Variants in GPC6 observed in about 807,000 individuals in gnomAD.
GPC6 encodes glypican-6.
GPC6 carries 14 observed loss-of-function variants against 55.2 expected under a neutral mutation model. The observed-to-expected ratio is 0.25, with a 90% CI of 0.17 to 0.40. The LOEUF is 0.40. GPC6 is among the 10% of genes least tolerant of loss of function. The pLI is 1.00. For missense variants in GPC6, 641 were observed against 708.5 expected (o/e 0.90, Z 1.08); for synonymous variants, 278 against 259.6 (o/e 1.07, Z -0.68).
chr13:93,380,232 GA>G (rs1248261084), intron 1 of GPC6, among the ~76,000 whole-genome samples: 1 of 152,046 alleles, frequency 6.6e-6, no homozygotes, highest in African/African-American at 2.4e-5. Context: ...TAAGAAATAG[GA>G]AAATCCATTG....
chr13:93,497,941 G>A (rs1226432505), intron 1 of GPC6, among the ~76,000 whole-genome samples: 3 of 152,176 alleles, frequency 2.0e-5, no homozygotes, highest in South Asian at 4.1e-4. Context: ...TAAACCTATT[G>A]TCTCAGATGT....
At chr13:93,907,837 T>G (rs1876754281) in intron 3 of GPC6, among the ~76,000 whole-genome samples, 1 of 152,142 alleles carries the variant, frequency 6.6e-6, no homozygotes, top group South Asian at 2.1e-4. Context: ...TTAGTAATTG[T>G]CACTACCTAT....
chr13:94,017,528 A>G (rs895076505), intron 3 of GPC6, among the ~76,000 whole-genome samples: 20 of 152,154 alleles, frequency 1.3e-4, no homozygotes, highest in Admixed American at 9.2e-4. Flanking sequence ...GGGGAAAACC[A>G]TCCCCATGAT....
intron 4 of GPC6, among the ~76,000 whole-genome samples, chr13:94,154,003 T>C (rs1307565919): frequency 6.6e-6 from 1 of 152,160 alleles, no homozygotes; most frequent in Non-Finnish European, 1.5e-5. Flanking sequence ...ATTATTCTAA[T>C]GTATAATAAC....
chr13:93,859,094 T>G (rs1888724012), intron 3 of GPC6, among the ~76,000 whole-genome samples: 1 of 151,558 alleles, frequency 6.6e-6, no homozygotes. Context: ...TATCTTCAAT[T>G]TAATAGAAGC....
intron 4 of GPC6, among the ~76,000 whole-genome samples, chr13:94,061,802 A>AC (rs1884338961): frequency 1.3e-5 from 2 of 151,940 alleles, no homozygotes; most frequent in African/African-American, 2.4e-5. Context: ...GGGAAAAAAA[A>AC]AAAACAAAAA....
intron 1 of GPC6, among the ~76,000 whole-genome samples, chr13:93,523,164 C>T (rs966896558): frequency 3.0e-5 from 3 of 101,520 alleles, no homozygotes; most frequent in South Asian, 3.1e-4. Flanking sequence ...CATATATGTA[C>T]ATATATACAC....
At chr13:93,744,936 CA>C (rs71126414) in intron 2 of GPC6, among the ~76,000 whole-genome samples, 56 of 144,140 alleles carry the variant, frequency 3.9e-4, no homozygotes, top group South Asian at 4.5e-4. Context: ...GACTCTGTCT[CA>C]AAAAAAAAAA....
intron 6 of GPC6, among the ~76,000 whole-genome samples, chr13:94,307,142 A>G (rs1875987315): frequency 6.6e-6 from 1 of 152,218 alleles, no homozygotes; most frequent in Non-Finnish European, 1.5e-5. Context: ...ATTTCTGTCT[A>G]TAAAAATCAA....
intron 1 of GPC6, among the ~76,000 whole-genome samples, chr13:93,393,121 T>TAGAG (rs1166243094): frequency 8.0e-4 from 64 of 79,908 alleles, no homozygotes; most frequent in African/African-American, 2.3e-3. Flanking sequence ...TATATATATA[T>TAGAG]ATATATAGAG....
intron 4 of GPC6, among the ~76,000 whole-genome samples, chr13:94,144,536 A>AGT (rs758759927): frequency 0.17 from 13,525 of 79,800 alleles, 828 homozygotes; most frequent in Non-Finnish European, 0.2. Context: ...ATTCTTTGGG[A>AGT]GTGTGTGTGT....
chr13:93,773,388 T>C (rs1344818064), intron 2 of GPC6, among the ~76,000 whole-genome samples: 5 of 152,150 alleles, frequency 3.3e-5, no homozygotes, highest in Admixed American at 3.3e-4. Context: ...AGACATATCC[T>C]ATTCTGGGCT....
intron 4 of GPC6, among the ~76,000 whole-genome samples, chr13:94,265,499 CG>C (rs1157304264): frequency 1.3e-5 from 2 of 152,136 alleles, no homozygotes; most frequent in African/African-American, 2.4e-5. Context: ...AAGGGTGGAT[CG>C]GCCTTTCCCA....
At chr13:93,799,804 A>G (rs1886310939) in intron 2 of GPC6, among the ~76,000 whole-genome samples, 1 of 152,238 alleles carries the variant, frequency 6.6e-6, no homozygotes, top group Admixed American at 6.5e-5. Context: ...CTTCACAGCC[A>G]TAACTGCACT....
rs567024328 is a variant in GPC6, at chr13:93,579,850, G to A, written c.319+34429G>A. On this transcript the variant is annotated intron_variant, in intron 2 of 8. Transcript: ENST00000377047. ...GAAGTAAATGATGGAGCCCCTCACT[G>A]TGTGTGGCTCCCTCCTTACATGCTT... 3.7e-3 allele frequency among the ~76,000 whole-genome samples: 569 copies of A among 152,240 alleles called. 4 individuals carry two copies. Among genetic ancestry groups the A allele is most frequent in the African/African-American group, 0.013 (537 of 41,546 alleles).
chr13:94,374,771 C>T (rs1879758417), intron 6 of GPC6, among the ~76,000 whole-genome samples: 1 of 132,920 alleles, frequency 7.5e-6, no homozygotes, highest in African/African-American at 3.1e-5. Flanking sequence ...TTTTTCAGCA[C>T]CACACCACAC....
chr13:93,926,769 A>G (rs959790786), intron 3 of GPC6, among the ~76,000 whole-genome samples: 1 of 143,528 alleles, frequency 7.0e-6, no homozygotes, highest in Admixed American at 7.2e-5. Flanking sequence ...TCCTCCTCAT[A>G]AGAAAGTCAA....
intron 1 of GPC6, among the ~76,000 whole-genome samples, chr13:93,410,702 G>A (rs1876465733): frequency 1.3e-5 from 2 of 152,136 alleles, no homozygotes; most frequent in South Asian, 4.1e-4. Context: ...GAAAGAAGAA[G>A]AAAAATCTTA....
intron 6 of GPC6, among the ~76,000 whole-genome samples, chr13:94,318,945 C>T (rs1406796634): frequency 2.6e-5 from 4 of 151,974 alleles, no homozygotes; most frequent in Admixed American, 2.0e-4. Context: ...TTTCATTTTA[C>T]TTTCAACATT....
Sources: gnomAD v4.1 joint callset for allele counts (sites outside exome capture counted in the v4.1 genomes callset) on GRCh38, gnomAD v4.1.1 for gene constraint, MANE v1.5 for transcripts, NCBI Gene and HGNC (gene_info 2026-07-23, HGNC 2026-07-21) for gene names.